Variants in AUTS2 observed in about 807,000 individuals in gnomAD.
AUTS2 encodes the protein activator of transcription and developmental regulator AUTS2.
A neutral mutation model predicts 112.4 loss-of-function variants in AUTS2; 17 were observed. The ratio of observed to expected loss-of-function variants is 0.15; its 90% CI spans 0.10 to 0.23. AUTS2 has a LOEUF of 0.23. Among genes scored for constraint, AUTS2 ranks in the 10% least tolerant of loss-of-function variants. The pLI, the probability that AUTS2 is intolerant of heterozygous loss-of-function variation, is 1.00. For missense variants in AUTS2, 1,510 were observed against 1,701.6 expected (o/e 0.89, Z 1.98); for synonymous variants, 751 against 702.7 (o/e 1.07, Z -1.09).
intron 4 of AUTS2, among the ~76,000 whole-genome samples, chr7:70,420,904 G>A (rs928071513): frequency 6.6e-6 from 1 of 152,086 alleles, no homozygotes; most frequent in Non-Finnish European, 1.5e-5. Flanking sequence ...TTTCAAATAC[G>A]TGCCTTTTAC....
intron 4 of AUTS2, among the ~76,000 whole-genome samples, chr7:70,413,000 A>G (rs1329315626): frequency 6.6e-6 from 1 of 152,210 alleles, no homozygotes; most frequent in Non-Finnish European, 1.5e-5. Context: ...AAAAAATTAA[A>G]AAATAATAAA....
chr7:69,643,257 T>C (rs1794872511), intron 1 of AUTS2: 3 of 152,444 alleles, frequency 2.0e-5, no homozygotes, highest in Non-Finnish European at 2.9e-5. Context: ...TAATCATGTA[T>C]ACATAATCAT....
At chr7:70,614,030 C>T (rs1009819360) in intron 5 of AUTS2, among the ~76,000 whole-genome samples, 10 of 152,100 alleles carry the variant, frequency 6.6e-5, no homozygotes, top group Non-Finnish European at 1.5e-5. Context: ...AAACAGGGAG[C>T]CAGGGCTGTG....
intron 1 of AUTS2, among the ~76,000 whole-genome samples, chr7:69,810,865 G>T (rs1020967091): frequency 6.6e-6 from 1 of 152,128 alleles, no homozygotes; most frequent in Non-Finnish European, 1.5e-5. Flanking sequence ...AAAACATAAC[G>T]TGAAATAAAA....
At chr7:70,643,971 C>T (rs1300515916) in intron 5 of AUTS2, among the ~76,000 whole-genome samples, 1 of 152,116 alleles carries the variant, frequency 6.6e-6, no homozygotes, top group Non-Finnish European at 1.5e-5. Flanking sequence ...CCTACCATAT[C>T]TGTGCTGCAG....
chr7:70,615,066 C>T (rs1215266863), intron 5 of AUTS2, among the ~76,000 whole-genome samples: 2 of 152,220 alleles, frequency 1.3e-5, no homozygotes, highest in African/African-American at 4.8e-5. Context: ...GGATGAAGAA[C>T]AATTGGCTGG....
At chr7:70,540,318 C>G (rs1342003434) in intron 5 of AUTS2, among the ~76,000 whole-genome samples, 1 of 152,140 alleles carries the variant, frequency 6.6e-6, no homozygotes, top group Admixed American at 6.6e-5. Context: ...GCAGCTACCC[C>G]CCTAGCAGAT....
chr7:69,912,278 G>C (rs1265599864), intron 2 of AUTS2, among the ~76,000 whole-genome samples: 1 of 152,114 alleles, frequency 6.6e-6, no homozygotes, highest in Non-Finnish European at 1.5e-5. Flanking sequence ...GCTCGGGCAG[G>C]GGCACTTCCC....
At chr7:70,115,832 T>A (rs999338636) in intron 2 of AUTS2, among the ~76,000 whole-genome samples, 2 of 151,894 alleles carry the variant, frequency 1.3e-5, no homozygotes, top group African/African-American at 2.4e-5. Flanking sequence ...AAATAAATAA[T>A]AGAAAGAAAG....
At chr7:70,246,610 G>A (rs753028088) in intron 4 of AUTS2, among the ~76,000 whole-genome samples, 11 of 151,878 alleles carry the variant, frequency 7.2e-5, no homozygotes, top group Non-Finnish European at 1.5e-4. Flanking sequence ...ATTATTGCTT[G>A]ATATTTTAAA....
chr7:70,338,057 G>C (rs1791075900), intron 4 of AUTS2, among the ~76,000 whole-genome samples: 2 of 152,180 alleles, frequency 1.3e-5, no homozygotes, highest in Admixed American at 1.3e-4. Flanking sequence ...AATTAAAACA[G>C]CATTACATTC....
chr7:70,019,004 A>G (rs541376867), intron 2 of AUTS2, among the ~76,000 whole-genome samples: 8 of 152,212 alleles, frequency 5.3e-5, no homozygotes, highest in Non-Finnish European at 1.0e-4. Context: ...AAGGCATGGA[A>G]TCAACCTAAA....
chr7:70,534,257 A>C (rs575674705), intron 5 of AUTS2, among the ~76,000 whole-genome samples: 2 of 152,176 alleles, frequency 1.3e-5, no homozygotes, highest in East Asian at 3.9e-4. Flanking sequence ...CTCTTTTACA[A>C]TCCCTGTACT....
chr7:69,973,894 T>G (rs953153426), intron 2 of AUTS2, among the ~76,000 whole-genome samples: 3 of 152,098 alleles, frequency 2.0e-5, no homozygotes, highest in African/African-American at 4.8e-5. Context: ...TCTGTAATTT[T>G]CTTTTTGTAA....
At chr7:70,441,232 G>C (rs1214592899) in intron 5 of AUTS2, among the ~76,000 whole-genome samples, 2 of 152,194 alleles carry the variant, frequency 1.3e-5, no homozygotes, top group East Asian at 1.9e-4. Flanking sequence ...TTAGCAGTAG[G>C]AACAACCACC....
Position 70,237,899 on chromosome 7 carries a change from G to A in AUTS2, c.660+103328G>A, listed in dbSNP as rs1562810984. Among the ~76,000 whole-genome samples, 5 of 152,276 alleles carry A rather than the reference G, an allele frequency of 3.3e-5. No homozygotes were observed. In the South Asian group the frequency reaches 1.0e-3, roughly 32 times the overall value. ...GGTGGTAAATACACTCGGAGCGATT[G>A]CTGGAAGGGAAGAAAAAGCAACTTG... On this transcript the variant is annotated intron_variant, in intron 4 of 18. Coordinates refer to ENST00000342771, the MANE Select transcript of AUTS2 (RefSeq NM_015570.4).
chr7:70,520,492 G>A (rs1173069540), intron 5 of AUTS2, among the ~76,000 whole-genome samples: 1 of 152,104 alleles, frequency 6.6e-6, no homozygotes, highest in Non-Finnish European at 1.5e-5. Context: ...TCTTGTAGCT[G>A]GCTTCCTCCT....
chr7:69,629,728 C>T (rs893258718), intron 1 of AUTS2, among the ~76,000 whole-genome samples: 6 of 151,966 alleles, frequency 3.9e-5, no homozygotes, highest in Non-Finnish European at 8.8e-5. Context: ...CACATGAGGG[C>T]AGGGGACTTG....
At chr7:70,070,408 TAAAAAAA>T (rs58320845) in intron 2 of AUTS2, among the ~76,000 whole-genome samples, 1 of 128,440 alleles carries the variant, frequency 7.8e-6, no homozygotes, top group South Asian at 2.6e-4. Flanking sequence ...CCCCGTCTCT[TAAAAAAA>T]AAAAAAAAAA....
Sources: allele counts gnomAD v4.1 joint callset (sites outside exome capture counted in the v4.1 genomes callset), GRCh38; gene constraint gnomAD v4.1.1; transcripts MANE v1.5; gene names NCBI Gene and HGNC (gene_info 2026-07-23, HGNC 2026-07-21).